The following THSD7B variants were observed in gnomAD, a reference collection of about 807,000 sequenced individuals.
THSD7B encodes the protein thrombospondin type-1 domain-containing protein 7B.
THSD7B carries 138 observed loss-of-function variants against 213.6 expected under a neutral mutation model. The observed-to-expected ratio is 0.65, with a 90% CI of 0.56 to 0.74. The LOEUF (loss-of-function observed/expected upper bound fraction) is 0.74, where lower values mean the gene tolerates loss of function less well. THSD7B is among the 30% of genes least tolerant of loss of function. The pLI is 0.00. For synonymous variants in THSD7B, 742 were observed against 687.0 expected (o/e 1.08, Z -1.25); for missense variants, 1,931 against 1,991.5 (o/e 0.97, Z 0.58).
chr2:136,859,822 G>T (rs1298772582), intron 1 of THSD7B, among the ~76,000 whole-genome samples: 4 of 152,112 alleles, frequency 2.6e-5, no homozygotes, highest in Admixed American at 6.5e-5. Context: ...AGGAGTGAAG[G>T]GAAGGAAGAC....
intron 7 of THSD7B, among the ~76,000 whole-genome samples, chr2:137,171,953 A>G (rs1450464443): frequency 1.3e-5 from 2 of 151,932 alleles, no homozygotes; most frequent in East Asian, 3.8e-4. Context: ...GGGCAATAAC[A>G]GATTGTATTA....
intron 2 of THSD7B, among the ~76,000 whole-genome samples, chr2:136,943,917 C>T (rs1684878808): frequency 6.6e-6 from 1 of 152,162 alleles, no homozygotes; most frequent in African/African-American, 2.4e-5. Flanking sequence ...TTCTTGCCTT[C>T]TGCTAGCTTT....
At chr2:137,586,678 GC>G (rs1325314136) in intron 17 of THSD7B, among the ~76,000 whole-genome samples, 1 of 152,170 alleles carries the variant, frequency 6.6e-6, no homozygotes, top group Non-Finnish European at 1.5e-5. Flanking sequence ...CTCTCTTCTG[GC>G]TTGTAGAGTT....
At chr2:136,869,961 AC>A (rs1573679134) in intron 1 of THSD7B, among the ~76,000 whole-genome samples, 1 of 151,810 alleles carries the variant, frequency 6.6e-6, no homozygotes, top group East Asian at 1.9e-4. Context: ...AATCCAAGCT[AC>A]TCAGGAGGCT....
At chr2:137,416,656 A>T (rs1049492664) in intron 14 of THSD7B, among the ~76,000 whole-genome samples, 69 of 152,200 alleles carry the variant, frequency 4.5e-4, no homozygotes, top group African/African-American at 1.6e-3. Context: ...GTCAACACAC[A>T]TATGCCCATA....
chr2:137,185,898 A>C (rs1290531435), intron 7 of THSD7B, among the ~76,000 whole-genome samples: 1 of 152,162 alleles, frequency 6.6e-6, no homozygotes, highest in Non-Finnish European at 1.5e-5. Flanking sequence ...CCTTGCCAGC[A>C]TCTGTTGTTT....
At chr2:137,098,271 A>C (rs72987533) in intron 4 of THSD7B, among the ~76,000 whole-genome samples, 1 of 152,162 alleles carries the variant, frequency 6.6e-6, no homozygotes, top group Admixed American at 6.5e-5. Context: ...CCCTTCTGCT[A>C]TCTTTGCTAT....
intron 15 of THSD7B, among the ~76,000 whole-genome samples, chr2:137,541,454 G>T (rs2105192597): frequency 6.6e-6 from 1 of 151,658 alleles, no homozygotes; most frequent in East Asian, 2.0e-4. Flanking sequence ...TATTCATGGG[G>T]TACATAGTGA....
At chr2:137,537,485 C>T (rs1680528947) in intron 15 of THSD7B, among the ~76,000 whole-genome samples, 1 of 151,608 alleles carries the variant, frequency 6.6e-6, no homozygotes, top group Non-Finnish European at 1.5e-5. Flanking sequence ...TTGTGAATGC[C>T]TGTAGGCTCA....
intron 15 of THSD7B, among the ~76,000 whole-genome samples, chr2:137,550,307 T>C (rs1680821835): frequency 1.3e-5 from 2 of 152,116 alleles, no homozygotes; most frequent in African/African-American, 4.8e-5. Context: ...TGGTAGAATA[T>C]CATGCGCTTT....
chr2:137,525,670 T>C (rs1680264772), intron 15 of THSD7B, among the ~76,000 whole-genome samples: 1 of 152,182 alleles, frequency 6.6e-6, no homozygotes, highest in Admixed American at 6.5e-5. Context: ...ATAACAGTAT[T>C]TCATAATGTA....
intron 2 of THSD7B, among the ~76,000 whole-genome samples, chr2:136,979,490 C>T (rs1685539519): frequency 1.3e-5 from 2 of 152,052 alleles, no homozygotes; most frequent in African/African-American, 4.8e-5. Flanking sequence ...TTGTTCATTT[C>T]TTTTTATTCT....
intron 12 of THSD7B, among the ~76,000 whole-genome samples, chr2:137,302,199 T>C (rs909998289): frequency 1.9e-4 from 29 of 152,056 alleles, no homozygotes; most frequent in African/African-American, 6.5e-4. Context: ...ACAATGGGAC[T>C]GAATGAGATC....
intron 1 of THSD7B, among the ~76,000 whole-genome samples, chr2:136,859,076 A>G (rs16837150): frequency 0.057 from 8,668 of 152,232 alleles, 335 homozygotes; most frequent in East Asian, 0.15. Context: ...CAATGAACTA[A>G]TGTCCTCTAG....
intron 15 of THSD7B, among the ~76,000 whole-genome samples, chr2:137,545,079 T>G (rs1159382231): frequency 1.3e-5 from 2 of 151,784 alleles, no homozygotes; most frequent in Non-Finnish European, 2.9e-5. Flanking sequence ...TTAGTAAGTA[T>G]TCAAAGATTA....
chr2:137,362,140 C>A (rs913346535), intron 12 of THSD7B, among the ~76,000 whole-genome samples: 1 of 151,958 alleles, frequency 6.6e-6, no homozygotes, highest in African/African-American at 2.4e-5. Flanking sequence ...ACTAAGCTTC[C>A]TAAGTGAAGG....
intron 12 of THSD7B, among the ~76,000 whole-genome samples, chr2:137,371,348 ATGGTGAGG>A: frequency 6.6e-6 from 1 of 152,336 alleles, no homozygotes; most frequent in Non-Finnish European, 1.5e-5. Flanking sequence ...CTTGAATAAT[ATGGTGAGG>A]TATAAAATTC....
intron 15 of THSD7B, among the ~76,000 whole-genome samples, chr2:137,483,907 C>G (rs1187817613): frequency 6.6e-6 from 1 of 152,142 alleles, no homozygotes; most frequent in African/African-American, 2.4e-5. Context: ...AATCAGTTTT[C>G]AAGCTTGGAT....
chr2:137,567,195 G>A (rs1444840338), intron 16 of THSD7B, among the ~76,000 whole-genome samples: 5 of 143,576 alleles, frequency 3.5e-5, no homozygotes, highest in African/African-American at 1.3e-4. Flanking sequence ...TTGAGACTGA[G>A]TCTTGATCTA....
Sources: gnomAD v4.1 joint callset for allele counts (sites outside exome capture counted in the v4.1 genomes callset) on GRCh38, gnomAD v4.1.1 for gene constraint, MANE v1.5 for transcripts, NCBI Gene and HGNC (gene_info 2026-07-23, HGNC 2026-07-21) for gene names.